Variants in ZPLD1 observed in about 807,000 individuals in gnomAD.
ZPLD1 encodes zona pellucida like domain containing 1, also known as zona pellucida-like domain-containing protein 1.
A neutral mutation model predicts 47.2 loss-of-function variants in ZPLD1; 34 were observed. That is an observed-to-expected ratio of 0.72 (90% confidence interval 0.55 to 0.96). The LOEUF is 0.96. Ranked by LOEUF, ZPLD1 falls within the 40% of genes least tolerant of loss-of-function variation. ZPLD1 has a pLI of 0.00. For synonymous variants in ZPLD1, 176 were observed against 186.2 expected (o/e 0.95, Z 0.45); for missense variants, 512 against 505.8 (o/e 1.01, Z -0.12).
chr3:102,464,063 A>G, intron 7 of ZPLD1, 108 bp from the exon 8 acceptor site: 1 of 831,064 alleles, frequency 1.2e-6, no homozygotes, highest in East Asian at 2.5e-5. Flanking sequence ...AAAAGAAAAG[A>G]AAGAAAGAAG....
chr3:102,390,630 A>G (rs748252125), intron 6 of ZPLD1, among the ~76,000 whole-genome samples: 6 of 152,178 alleles, frequency 3.9e-5, no homozygotes, highest in Non-Finnish European at 7.3e-5. Context: ...CTCGACAAAC[A>G]TGAAGTGCAT....
intron 6 of ZPLD1, among the ~76,000 whole-genome samples, chr3:102,459,246 G>T (rs1052786406): frequency 6.6e-6 from 1 of 151,850 alleles, no homozygotes; most frequent in Non-Finnish European, 1.5e-5. Context: ...GAAAATTCCC[G>T]TCTGTTAATT....
At chr3:102,422,548 A>C (rs1248688909) in intron 8 of ZPLD1, among the ~76,000 whole-genome samples, 1 of 152,086 alleles carries the variant, frequency 6.6e-6, no homozygotes, top group East Asian at 1.9e-4. Flanking sequence ...CAGAAGAAGT[A>C]GTGAATTCTA....
chr3:102,464,282 A>T (rs761694046), intron 8 of ZPLD1, 31 bp downstream of exon 8: 1 of 1,428,422 alleles, frequency 7.0e-7, no homozygotes, highest in Non-Finnish European at 9.9e-7. Flanking sequence ...TATTATATTG[A>T]TACCAATGAC....
chr3:102,409,450 T>C (rs1303930804), intron 7 of ZPLD1, among the ~76,000 whole-genome samples: 1 of 151,828 alleles, frequency 6.6e-6, no homozygotes, highest in Non-Finnish European at 1.5e-5. Flanking sequence ...ATTCAAACCA[T>C]AGCACATACC....
intron 7 of ZPLD1, among the ~76,000 whole-genome samples, chr3:102,411,860 C>CT (rs1706750871): frequency 3.3e-5 from 5 of 151,778 alleles, no homozygotes. Context: ...GGGTATATCT[C>CT]TGTCGATCTC....
intron 7 of ZPLD1, among the ~76,000 whole-genome samples, chr3:102,404,399 C>T (rs1706657570): frequency 1.3e-5 from 2 of 152,058 alleles, no homozygotes; most frequent in South Asian, 4.1e-4. Context: ...AAAATGTAGG[C>T]TGCCTGGATA....
chr3:102,440,049 C>T (rs944315871), intron 3 of ZPLD1, among the ~76,000 whole-genome samples: 2 of 152,166 alleles, frequency 1.3e-5, no homozygotes, highest in African/African-American at 4.8e-5. Context: ...CTCCTTTTTC[C>T]TGTCTATCCT....
intron 8 of ZPLD1, among the ~76,000 whole-genome samples, chr3:102,466,602 T>C (rs1707597374): frequency 1.3e-5 from 2 of 151,938 alleles, no homozygotes. Context: ...GTAAAAGCCA[T>C]GGCTATGGAA....
intron 7 of ZPLD1, among the ~76,000 whole-genome samples, chr3:102,411,045 G>A (rs1006024191): frequency 6.6e-6 from 1 of 151,794 alleles, no homozygotes; most frequent in East Asian, 1.9e-4. Flanking sequence ...AAAGAATTGT[G>A]TCTGCTTGCA....
intron 10 of ZPLD1, among the ~76,000 whole-genome samples, chr3:102,470,725 TACAC>T (rs149917091): frequency 4.0e-4 from 60 of 148,864 alleles, no homozygotes; most frequent in Middle Eastern, 3.5e-3. Flanking sequence ...CACACACACA[TACAC>T]ACACACACAC....
chr3:102,446,584 T>G (rs1363505527), intron 3 of ZPLD1, among the ~76,000 whole-genome samples: 2 of 152,172 alleles, frequency 1.3e-5, no homozygotes, highest in Non-Finnish European at 2.9e-5. Context: ...TCCCTGAATT[T>G]TTTTATCTTA....
intron 8 of ZPLD1, among the ~76,000 whole-genome samples, chr3:102,421,651 A>G (rs1353405999): frequency 6.6e-6 from 1 of 151,954 alleles, no homozygotes; most frequent in Non-Finnish European, 1.5e-5. Context: ...GTGAAGTGAA[A>G]AGGAGACTTG....
chr3:102,438,195 A>C (rs1172058027), intron 2 of ZPLD1, among the ~76,000 whole-genome samples: 2 of 152,220 alleles, frequency 1.3e-5, no homozygotes, highest in Non-Finnish European at 1.5e-5. Context: ...ATAATAAAGA[A>C]GTTTCCTTTT....
chr3:102,424,570 C>A (rs1169706978), intron 8 of ZPLD1, among the ~76,000 whole-genome samples: 1 of 152,100 alleles, frequency 6.6e-6, no homozygotes, highest in African/African-American at 2.4e-5. Flanking sequence ...TTCTGCGAAC[C>A]CAATCAAAAC....
Position 102,398,476 on chromosome 3 carries a change from T to C in ZPLD1, c.-157+6251T>C, listed in dbSNP as rs116670551. Among the ~76,000 whole-genome samples, 405 of 152,226 alleles carry C rather than the reference T, an allele frequency of 2.7e-3. 2 individuals carry two copies. Among genetic ancestry groups the C allele is most frequent in the African/African-American group, 9.6e-3 (398 of 41,556 alleles). On this transcript the variant is annotated intron_variant, in intron 7 of 17. Transcript: ENST00000491959. ...TGAGATCTCTTCCTTCTCTTTCTAATATAGATGTTGTGAAGAATGCAATAA... is the reference window on the plus strand; with the variant it reads ...TGAGATCTCTTCCTTCTCTTTCTAACATAGATGTTGTGAAGAATGCAATAA...
At chr3:102,409,361 C>G (rs1359732357) in intron 7 of ZPLD1, among the ~76,000 whole-genome samples, 1 of 151,792 alleles carries the variant, frequency 6.6e-6, no homozygotes, top group Non-Finnish European at 1.5e-5. Context: ...TCCCTCATGG[C>G]TTGGTCACCT....
chr3:102,401,403 T>A (rs113965645), intron 7 of ZPLD1, among the ~76,000 whole-genome samples: 6 of 152,242 alleles, frequency 3.9e-5, no homozygotes, highest in African/African-American at 1.4e-4. Flanking sequence ...CAAAGCTTAG[T>A]GTTTCAAAGG....
intron 9 of ZPLD1, among the ~76,000 whole-genome samples, chr3:102,469,405 A>G (rs1028450561): frequency 2.6e-5 from 4 of 152,254 alleles, no homozygotes; most frequent in Non-Finnish European, 4.4e-5. Flanking sequence ...GAAGAAATCA[A>G]GACAAAAATC....
Sources: gnomAD v4.1 joint callset for allele counts (sites outside exome capture counted in the v4.1 genomes callset) on GRCh38, gnomAD v4.1.1 for gene constraint, MANE v1.5 for transcripts, NCBI Gene and HGNC (gene_info 2026-07-23, HGNC 2026-07-21) for gene names.